HIVEP3: variants seen among roughly 807,000 people sequenced by gnomAD.
The protein encoded by HIVEP3 is transcription factor HIVEP3.
In HIVEP3, 49 loss-of-function variants were observed where a neutral mutation model predicts 152.8. The observed-to-expected ratio is 0.32, with a 90% CI of 0.26 to 0.41. The LOEUF (loss-of-function observed/expected upper bound fraction) is 0.41. Among genes scored for constraint, HIVEP3 ranks in the 10% least tolerant of loss-of-function variants. The pLI is 1.00. For synonymous variants in HIVEP3, 1,269 were observed against 1,289.0 expected (o/e 0.98, Z 0.33); for missense variants, 2,790 against 3,103.3 (o/e 0.90, Z 2.40).
chr1:41,711,795 G>A (rs1458553536), intron 1 of HIVEP3, among the ~76,000 whole-genome samples: 4 of 152,084 alleles, frequency 2.6e-5, no homozygotes, highest in South Asian at 2.1e-4. Flanking sequence ...GCAGGGGCCC[G>A]AGCACACTCG....
In HIVEP3 at chr1:41,736,809, T is replaced by C. The variant is rs118010707; in HGVS notation, c.-800-35814A>G. ...CAGATGGAGAGCAGAGGCCCCATCA[T>C]GACCGGGGCAGGATGGTGGCCTGTC... On this transcript the variant is annotated intron_variant, in intron 1 of 8. Coordinates refer to ENST00000372583, the MANE Select transcript of HIVEP3 (RefSeq NM_024503.5). 1.6e-3 allele frequency among the ~76,000 whole-genome samples: 247 copies of C among 152,324 alleles called. 7 individuals are homozygous for C. In the East Asian group the frequency reaches 0.045, roughly 28 times the overall value.
At chr1:41,668,772 C>A (rs1645832279) in intron 2 of HIVEP3, among the ~76,000 whole-genome samples, 1 of 152,212 alleles carries the variant, frequency 6.6e-6, no homozygotes, top group Non-Finnish European at 1.5e-5. Context: ...ATTGAAAGCA[C>A]CCTTCTCAGT....
chr1:41,547,709 C>G (rs1643837802), intron 5 of HIVEP3, among the ~76,000 whole-genome samples: 1 of 152,234 alleles, frequency 6.6e-6, no homozygotes, highest in South Asian at 2.1e-4. Flanking sequence ...AAAAAGCCCA[C>G]AGAGCATTTA....
At chr1:41,917,950 G>C (rs1258108772) in intron 1 of HIVEP3, among the ~76,000 whole-genome samples, 1 of 152,234 alleles carries the variant, frequency 6.6e-6, no homozygotes, top group African/African-American at 2.4e-5. Context: ...CGGAGCAGCA[G>C]CCAAGGCAGC....
chr1:41,701,284 T>C (rs918255315), intron 1 of HIVEP3, among the ~76,000 whole-genome samples: 6 of 152,242 alleles, frequency 3.9e-5, no homozygotes, highest in Admixed American at 3.9e-4. Context: ...GAACTCCCAC[T>C]TCCAAACACT....
At chr1:41,564,642 G>A (rs528631013) in intron 5 of HIVEP3, among the ~76,000 whole-genome samples, 8 of 152,268 alleles carry the variant, frequency 5.3e-5, no homozygotes, top group African/African-American at 1.9e-4. Context: ...AATACTGAAG[G>A]AAAATGATTT....
In HIVEP3 at chr1:41,636,294, A is replaced by G. The variant is rs187783021; in HGVS notation, c.-720-7347T>C. 3.0e-3 allele frequency among the ~76,000 whole-genome samples: 450 copies of G among 152,330 alleles called. 1 individual carries two copies. The highest frequency in any genetic ancestry group is 4.4e-3 in the Non-Finnish European group (300 of 68,028). ...ATGCCATTTTAAATAGAATACACGC[A>G]CCATAGACACACAGAAATGTATATG... On this transcript the variant is annotated intron_variant, in intron 2 of 8. Transcript: ENST00000372583.
intron 1 of HIVEP3, among the ~76,000 whole-genome samples, chr1:41,992,502 T>C (rs1430160170): frequency 6.3e-5 from 9 of 143,812 alleles, no homozygotes; most frequent in African/African-American, 1.6e-4. Flanking sequence ...TAAAAGAGGA[T>C]ACAAACAAAT....
chr1:41,569,644 G>T (rs1402085621), intron 5 of HIVEP3, among the ~76,000 whole-genome samples: 1 of 152,102 alleles, frequency 6.6e-6, no homozygotes, highest in Admixed American at 6.5e-5. Context: ...TATTAGAAAA[G>T]AAAATAATCT....
intron 1 of HIVEP3, among the ~76,000 whole-genome samples, chr1:41,987,382 AAAAT>A (rs1316777774): frequency 5.9e-5 from 9 of 152,100 alleles, no homozygotes; most frequent in Non-Finnish European, 1.2e-4. Context: ...TTAAAAAATA[AAAAT>A]AAATAAATAA....
At chr1:41,882,064 TA>T (rs751151360) in intron 1 of HIVEP3, among the ~76,000 whole-genome samples, 8 of 152,238 alleles carry the variant, frequency 5.3e-5, no homozygotes, top group Non-Finnish European at 1.2e-4. Flanking sequence ...AATGTTTTTG[TA>T]GACACATTAA....
In HIVEP3 at chr1:41,544,867, C is replaced by CTA. The variant is rs1643667586; in HGVS notation, c.5208-19958_5208-19957insTA. Reference sequence around the variant, plus strand: ...ACTACCACCACCACCACCACCACCACCACCACCACTACCACCTCTACCACC... The same window carrying CTA: ...ACTACCACCACCACCACCACCACCACTACACCACCACTACCACCTCTACCACC... On this transcript the variant is annotated intron_variant, in intron 5 of 8. Coordinates refer to ENST00000372583, the MANE Select transcript of HIVEP3 (RefSeq NM_024503.5). Among the ~76,000 whole-genome samples, 2 of 118,684 alleles carry CTA rather than the reference C, an allele frequency of 1.7e-5. 1 individual carries two copies. Among genetic ancestry groups the CTA allele is most frequent in the Non-Finnish European group, 3.5e-5 (2 of 56,766 alleles). The allele number at this position is 118,684 out of a possible 152,430, so 77.9% of individuals were successfully genotyped here.
At chr1:41,609,070 A>C (rs1267320554) in intron 3 of HIVEP3, among the ~76,000 whole-genome samples, 1 of 152,112 alleles carries the variant, frequency 6.6e-6, no homozygotes, top group African/African-American at 2.4e-5. Context: ...AATAAAAAAA[A>C]AAAACGGTTT....
At chr1:41,672,063 G>C (rs1283099331) in intron 2 of HIVEP3, among the ~76,000 whole-genome samples, 1 of 152,168 alleles carries the variant, frequency 6.6e-6, no homozygotes, top group African/African-American at 2.4e-5. Flanking sequence ...AGAGTCTATG[G>C]GGGCCCTTAG....
At chr1:41,806,408 G>C (rs1034633562) in intron 1 of HIVEP3, among the ~76,000 whole-genome samples, 9 of 152,350 alleles carry the variant, frequency 5.9e-5, no homozygotes, top group Admixed American at 2.0e-4. Flanking sequence ...ATGTCACAGT[G>C]GTTGACAGAT....
In HIVEP3 at chr1:41,510,512, C is replaced by G; in HGVS notation, c.7160G>C (p.Gly2387Ala). ...RTRQDSPKPS[G>A]SGEPRAHPHQ... ...TGGATGTGCCCTGGGCTCCCCACTT[C>G]CTGAGGGCTTGGGGGAGTCCTGCCT... The change falls in exon 9 of 9, where the codon GGA becomes GCA. Residue 2387 changes from glycine to alanine, a missense_variant. Gly to Ala is a moderately conservative substitution (Grantham distance 60). Transcript: ENST00000372583. 1 of 1,596,098 alleles carries G rather than the reference C, an allele frequency of 6.3e-7. No homozygotes were observed. The highest frequency in any genetic ancestry group is 1.3e-5 in the African/African-American group (1 of 74,518).
intron 2 of HIVEP3, among the ~76,000 whole-genome samples, chr1:41,673,681 C>CT (rs1645911321): frequency 6.6e-6 from 1 of 152,172 alleles, no homozygotes; most frequent in Non-Finnish European, 1.5e-5. Flanking sequence ...GAAGGTTTAT[C>CT]TGGCAGGGTA....
chr1:41,789,776 C>T (rs1289304301), intron 1 of HIVEP3, among the ~76,000 whole-genome samples: 3 of 152,158 alleles, frequency 2.0e-5, no homozygotes, highest in Non-Finnish European at 4.4e-5. Context: ...TGAGCTGAGA[C>T]CTTGGTCAAC....
intron 2 of HIVEP3, among the ~76,000 whole-genome samples, chr1:41,648,472 G>A (rs558626495): frequency 1.3e-5 from 2 of 152,318 alleles, no homozygotes; most frequent in East Asian, 3.9e-4. Flanking sequence ...GCCTGAGGCT[G>A]CAGCCACCAT....
Sources: gnomAD v4.1 joint callset for allele counts (sites outside exome capture counted in the v4.1 genomes callset) on GRCh38, gnomAD v4.1.1 for gene constraint, MANE v1.5 for transcripts, NCBI Gene and HGNC (gene_info 2026-07-23, HGNC 2026-07-21) for gene names.